DMXL2: variants seen among roughly 807,000 people sequenced by gnomAD.
DMXL2 encodes dmX-like protein 2.
DMXL2 carries 103 observed loss-of-function variants against 331.1 expected under a neutral mutation model. The ratio of observed to expected loss-of-function variants is 0.31; its 90% CI spans 0.27 to 0.37. The LOEUF is 0.37. DMXL2 is among the 10% of genes least tolerant of loss of function. The pLI, the probability that DMXL2 is intolerant of heterozygous loss-of-function variation, is 1.00. For synonymous variants in DMXL2, 1,281 were observed against 1,252.1 expected (o/e 1.02, Z -0.49); for missense variants, 3,171 against 3,642.9 (o/e 0.87, Z 3.33).
chr15:51,468,941 T>A (rs2140294742), intron 29 of DMXL2, among the ~76,000 whole-genome samples: 1 of 151,292 alleles, frequency 6.6e-6, no homozygotes, highest in South Asian at 2.1e-4. Flanking sequence ...ACGAAAAAGG[T>A]GGGAGTTAAG....
chr15:51,609,567 C>T (rs1282800633), intron 1 of DMXL2, among the ~76,000 whole-genome samples: 1 of 152,188 alleles, frequency 6.6e-6, no homozygotes, highest in Admixed American at 6.5e-5. Context: ...CAGTAACAGG[C>T]TATATAGCTT....
intron 28 of DMXL2, among the ~76,000 whole-genome samples, chr15:51,473,981 T>A (rs1352042277): frequency 6.6e-6 from 1 of 152,022 alleles, no homozygotes; most frequent in Non-Finnish European, 1.5e-5. Context: ...CTTTCTGTAA[T>A]TAAGAACTAT....
chr15:51,542,320 C>T lies in DMXL2; in HGVS notation c.1105+13G>A. On this transcript the variant is annotated intron_variant, in intron 9 of 43. Transcript: ENST00000560891. ...TTCAACATATTTATGGGAAATAAAA[C>T]TTTATCCTTTACCTGTGGCAGGGTT... is the stretch of plus-strand genomic sequence containing the variant. 1 of 1,607,064 alleles carries T rather than the reference C, an allele frequency of 6.2e-7. No homozygotes were observed. Among genetic ancestry groups the T allele is most frequent in the African/African-American group, 1.3e-5 (1 of 74,884 alleles).
chr15:51,567,481 G>A (rs974057054), intron 3 of DMXL2: 2 of 152,074 alleles, frequency 1.3e-5, no homozygotes, highest in East Asian at 1.9e-4. Flanking sequence ...AAGATAAGTG[G>A]GGGTACAATT....
intron 28 of DMXL2, among the ~76,000 whole-genome samples, chr15:51,472,563 T>G (rs912637260): frequency 1.3e-5 from 2 of 152,192 alleles, no homozygotes; most frequent in Non-Finnish European, 2.9e-5. Context: ...AACCACAGTC[T>G]ACTTTCTGTC....
intron 1 of DMXL2, among the ~76,000 whole-genome samples, chr15:51,622,234 G>A (rs2141485970): frequency 6.6e-6 from 1 of 152,266 alleles, no homozygotes; most frequent in Admixed American, 6.5e-5. Flanking sequence ...AGAGTGCGGT[G>A]GATTCCTAAG....
In DMXL2 at chr15:51,538,274, T is replaced by A; in HGVS notation, c.1284A>T (p.Arg428Ser). 6.2e-7 allele frequency: 1 copy of A among 1,613,888 alleles called. No homozygotes were observed. The highest frequency in any genetic ancestry group is 8.5e-7 in the Non-Finnish European group (1 of 1,179,830). Residue 428 changes from arginine to serine, a missense_variant, in exon 10 of 44, where the codon AGA becomes AGT. Physicochemically the swap from Arg to Ser is moderately radical, Grantham distance 110. This residue lies in a region of DMXL2 where 1,674 missense variants were observed against 1,780.2 expected (regional missense o/e 0.94). Transcript: ENST00000560891. ...CCTCCTGTGAATGTTCCTCATCTTC[T>A]CTATCTGCATCATCATTTTCATGAT... ...QVDHENDDAD[R>S]EDEEHSQEDR...
In DMXL2 at chr15:51,480,704, C is replaced by T; in HGVS notation, c.6402G>A (p.Leu2134=). Residue 2134 remains leucine (L), a synonymous_variant, in exon 24 of 44, where the codon TTG becomes TTA. Transcript: ENST00000560891. The part of the protein sequence containing the change: ...YERHQIERRR[L]QAKREHAERR... ...TTTCTGCATGCTCTCGTTTGGCCTGCAATCTTCTTCTTTCTATTTGATGGC... is the reference window on the plus strand; with the variant it reads ...TTTCTGCATGCTCTCGTTTGGCCTGTAATCTTCTTCTTTCTATTTGATGGC... 6.2e-7 allele frequency: 1 copy of T among 1,609,478 alleles called. No individual in the cohort carries two copies. The highest frequency in any genetic ancestry group is 8.5e-7 in the Non-Finnish European group (1 of 1,177,432).
chr15:51,605,235 C>T (rs957716953), intron 1 of DMXL2, among the ~76,000 whole-genome samples: 1 of 152,138 alleles, frequency 6.6e-6, no homozygotes, highest in African/African-American at 2.4e-5. Flanking sequence ...GCGTCTCACT[C>T]TGTCACTCAG....
At chr15:51,597,128 C>A (rs1000055469) in intron 1 of DMXL2, among the ~76,000 whole-genome samples, 1 of 152,092 alleles carries the variant, frequency 6.6e-6, no homozygotes, top group African/African-American at 2.4e-5. Context: ...TAAAACCTCA[C>A]AAAACCCACT....
Position 51,458,727 on chromosome 15 carries a change from C to A in DMXL2, c.8058G>T (p.Met2686Ile). ...KVIHKESDMI[M>I]AFSVNKANCN... ...CTTTTACCTTATTAACAGAAAATGC[C>A]ATGATCATATCAGATTCCTTATGGA... Residue 2686 changes from methionine (M) to isoleucine (I), a missense_variant, in exon 35 of 44, where the codon ATG (methionine) becomes ATT (isoleucine). Met to Ile is a conservative substitution (Grantham distance 10). Coordinates refer to ENST00000560891, the MANE Select transcript of DMXL2 (RefSeq NM_001378457.1). 6.2e-7 allele frequency: 1 copy of A among 1,613,992 alleles called. No individual in the cohort carries two copies. Among genetic ancestry groups the A allele is most frequent in the South Asian group, 1.1e-5 (1 of 91,068 alleles).
At chr15:51,477,443 C>A (rs2041675751) in intron 26 of DMXL2, among the ~76,000 whole-genome samples, 1 of 151,910 alleles carries the variant, frequency 6.6e-6, no homozygotes, top group Admixed American at 6.6e-5. Context: ...ACTAAATCAA[C>A]TTTTTTCCTT....
intron 1 of DMXL2, among the ~76,000 whole-genome samples, chr15:51,615,230 T>C (rs965690999): frequency 2.0e-5 from 3 of 152,082 alleles, no homozygotes; most frequent in African/African-American, 7.2e-5. Flanking sequence ...AGTATACAAA[T>C]CTGGAATCAG....
intron 8 of DMXL2, among the ~76,000 whole-genome samples, chr15:51,544,156 C>G (rs1313522338): frequency 6.6e-6 from 1 of 152,020 alleles, no homozygotes; most frequent in Non-Finnish European, 1.5e-5. Flanking sequence ...GATACTTGAC[C>G]CTGCCTAAAT....
At position 51,448,329 on chromosome 15, in the gene DMXL2, T is replaced by C. The variant is rs2038853361; in HGVS notation, c.*655A>G. On this transcript the variant is annotated 3_prime_UTR_variant, in exon 44 of 44. Transcript: ENST00000560891. ...CCTAACATGAAGGCAAATATTTAAA[T>C]AGAAAAACTAGCAGTCCAAAAAATG... 6.5e-6 allele frequency: 1 copy of C among 153,260 alleles called. No individual in the cohort carries two copies. Among genetic ancestry groups the C allele is most frequent in the Admixed American group, 6.5e-5 (1 of 15,376 alleles). 9.5% of individuals were successfully genotyped at this position (153,260 alleles called of 1,614,324 possible).
intron 19 of DMXL2, among the ~76,000 whole-genome samples, chr15:51,493,702 T>C (rs996381172): frequency 1.3e-5 from 2 of 152,162 alleles, no homozygotes; most frequent in South Asian, 2.1e-4. Context: ...CTTTAGAAAT[T>C]TGAAGTGTTT....
At chr15:51,552,108 A>T (rs2049258410) in intron 6 of DMXL2, among the ~76,000 whole-genome samples, 1 of 152,228 alleles carries the variant, frequency 6.6e-6, no homozygotes. Flanking sequence ...GGCATATTCA[A>T]GGCCTTGAAA....
chr15:51,593,015 A>C (rs1264385923), intron 1 of DMXL2, among the ~76,000 whole-genome samples: 1 of 152,236 alleles, frequency 6.6e-6, no homozygotes, highest in Non-Finnish European at 1.5e-5. Flanking sequence ...ACTAATGAGC[A>C]AAATAACCAG....
chr15:51,594,700 A>T (rs1261743450), intron 1 of DMXL2, among the ~76,000 whole-genome samples: 1 of 152,212 alleles, frequency 6.6e-6, no homozygotes, highest in Admixed American at 6.5e-5. Flanking sequence ...GCAGCACATC[A>T]AGAAGCTTAT....
Sources: allele counts gnomAD v4.1 joint callset (sites outside exome capture counted in the v4.1 genomes callset), GRCh38; gene constraint gnomAD v4.1.1; regional missense constraint gnomAD v4.1.1; transcripts MANE v1.5; gene names NCBI Gene and HGNC (gene_info 2026-07-23, HGNC 2026-07-21).